Variants in PRDM5 observed in about 807,000 individuals in gnomAD.
PRDM5 encodes PR domain zinc finger protein 5.
A neutral mutation model predicts 81.2 loss-of-function variants in PRDM5; 56 were observed. The observed-to-expected ratio is 0.69, with a 90% CI of 0.56 to 0.86. The LOEUF is 0.86. PRDM5 is among the 40% of genes least tolerant of loss of function. The pLI is 0.00. For missense variants in PRDM5, 697 were observed against 770.1 expected (o/e 0.91, Z 1.12); for synonymous variants, 267 against 256.4 (o/e 1.04, Z -0.39).
At chr4:120,857,830 T>C (rs902863301) in intron 2 of PRDM5, among the ~76,000 whole-genome samples, 69 of 152,202 alleles carry the variant, frequency 4.5e-4, no homozygotes, top group Non-Finnish European at 1.2e-4. Flanking sequence ...AGCTCAATTA[T>C]TATTTGGATG....
At chr4:120,839,667 G>C (rs550919052) in intron 3 of PRDM5, among the ~76,000 whole-genome samples, 5 of 152,316 alleles carry the variant, frequency 3.3e-5, no homozygotes, top group African/African-American at 1.2e-4. Flanking sequence ...CTGGCCCCCA[G>C]CCTTCAGGCA....
chr4:120,889,233 G>T (rs781313345), intron 2 of PRDM5, among the ~76,000 whole-genome samples: 1 of 152,082 alleles, frequency 6.6e-6, no homozygotes, highest in African/African-American at 2.4e-5. Context: ...ATATTAAGTT[G>T]ATTTTTCATA....
At chr4:120,891,794 T>C (rs1341754751) in intron 2 of PRDM5, among the ~76,000 whole-genome samples, 1 of 152,148 alleles carries the variant, frequency 6.6e-6, no homozygotes, top group Non-Finnish European at 1.5e-5. Flanking sequence ...CATGCCCAGC[T>C]AATTTTTGTA....
chr4:120,729,358 A>G (rs1305113512), intron 14 of PRDM5, among the ~76,000 whole-genome samples: 1 of 152,148 alleles, frequency 6.6e-6, no homozygotes, highest in Non-Finnish European at 1.5e-5. Context: ...ATGTTTTATT[A>G]TAATACCTAG....
rs2148979229 is a variant in PRDM5, at chr4:120,691,935, T to A, written c.*3176A>T. The A allele has an allele frequency of 6.6e-6, 1 of 151,976 alleles. No homozygotes were observed. The highest frequency in any genetic ancestry group is 2.4e-5 in the African/African-American group (1 of 41,538). The allele number at this position is 151,976 out of a possible 1,614,324, so 9.4% of individuals were successfully genotyped here. A position where few individuals can be genotyped will look rare whatever the true frequency, so the allele number is the denominator to read the frequency against. ...AAGTCTGGTAGTGATTTATATATAT[T>A]TATTATAGATTTATAATAAAATAAA... On this transcript the variant is annotated 3_prime_UTR_variant, in exon 16 of 16. Transcript: ENST00000264808.
At chr4:120,744,615 C>G (rs913453105) in intron 14 of PRDM5, among the ~76,000 whole-genome samples, 14 of 152,130 alleles carry the variant, frequency 9.2e-5, no homozygotes, top group African/African-American at 3.1e-4. Flanking sequence ...ACGGATCCCA[C>G]AGAAATACAA....
chr4:120,710,890 G>A (rs1736871998), intron 14 of PRDM5, among the ~76,000 whole-genome samples: 1 of 152,044 alleles, frequency 6.6e-6, no homozygotes, highest in South Asian at 2.1e-4. Flanking sequence ...ATAGTGGTGT[G>A]AGAACAAACT....
chr4:120,716,624 T>A (rs1359113057), intron 14 of PRDM5, among the ~76,000 whole-genome samples: 1 of 152,194 alleles, frequency 6.6e-6, no homozygotes, highest in Non-Finnish European at 1.5e-5. Flanking sequence ...CCTGAAGATA[T>A]CACAAGAAGA....
At chr4:120,763,337 A>G (rs1745915984) in intron 13 of PRDM5, among the ~76,000 whole-genome samples, 2 of 152,330 alleles carry the variant, frequency 1.3e-5, no homozygotes, top group South Asian at 4.1e-4. Context: ...GAGGTGAGTT[A>G]ATGAAGCAAA....
At chr4:120,801,925 C>G (rs1009436614) in intron 8 of PRDM5, among the ~76,000 whole-genome samples, 1 of 152,072 alleles carries the variant, frequency 6.6e-6, no homozygotes, top group African/African-American at 2.4e-5. Context: ...AAAGAGATGT[C>G]ATACCTTCTG....
intron 14 of PRDM5, among the ~76,000 whole-genome samples, chr4:120,734,066 C>T (rs1403229166): frequency 6.6e-6 from 1 of 151,982 alleles, no homozygotes; most frequent in African/African-American, 2.4e-5. Flanking sequence ...GCATGGTCAT[C>T]CTTAGGAGAA....
chr4:120,775,860 C>T (rs889635364), intron 13 of PRDM5, among the ~76,000 whole-genome samples: 1 of 152,152 alleles, frequency 6.6e-6, no homozygotes, highest in Non-Finnish European at 1.5e-5. Flanking sequence ...AAGAGGGCTG[C>T]CCAGTGACAT....
intron 13 of PRDM5, among the ~76,000 whole-genome samples, chr4:120,772,081 GC>G (rs1043279636): frequency 5.9e-5 from 9 of 152,124 alleles, no homozygotes; most frequent in African/African-American, 2.2e-4. Context: ...CTGTCCCAAA[GC>G]CCCTGCTCTT....
Position 120,801,246 on chromosome 4 carries a change from G to A in PRDM5, c.946-1501C>T, listed in dbSNP as rs77124551. Among the ~76,000 whole-genome samples the A allele has an allele frequency of 6.9e-4, 105 of 152,358 alleles. 1 individual carries two copies. In the East Asian group the frequency reaches 0.019, roughly 27 times the overall value. ...ATAACTAGGAATAACAGTGCAGAGT[G>A]AAAGATCTAGGCAAAAGTCCCTGAA... On this transcript the variant is annotated intron_variant, in intron 8 of 15. Coordinates refer to ENST00000264808, the MANE Select transcript of PRDM5 (RefSeq NM_018699.4).
At chr4:120,869,071 C>T (rs568028836) in intron 2 of PRDM5, among the ~76,000 whole-genome samples, 3 of 152,158 alleles carry the variant, frequency 2.0e-5, no homozygotes, top group Non-Finnish European at 2.9e-5. Flanking sequence ...ATGTTTCCAT[C>T]GATCTCTATG....
intron 10 of PRDM5, 85 bp downstream of exon 10, chr4:120,798,182 A>G (rs1578774180): frequency 1.9e-6 from 2 of 1,053,738 alleles, no homozygotes. Flanking sequence ...TAGGCCCCAG[A>G]TGTACAAAAG....
chr4:120,794,226 A>T (rs974256941), intron 10 of PRDM5, among the ~76,000 whole-genome samples: 15 of 152,192 alleles, frequency 9.9e-5, no homozygotes, highest in Middle Eastern at 3.2e-3. Flanking sequence ...ATCACTGAAG[A>T]GTAACCTGAT....
At chr4:120,880,747 G>A (rs1370133413) in intron 2 of PRDM5, among the ~76,000 whole-genome samples, 2 of 151,984 alleles carry the variant, frequency 1.3e-5, no homozygotes, top group Non-Finnish European at 2.9e-5. Context: ...TGTAAATAGA[G>A]TACCAAAAAA....
chr4:120,850,456 C>T (rs1759130279), intron 3 of PRDM5, among the ~76,000 whole-genome samples: 1 of 152,104 alleles, frequency 6.6e-6, no homozygotes, highest in African/African-American at 2.4e-5. Context: ...CCTCAGCAAT[C>T]CTCTACTCCA....
Sources: gnomAD v4.1 joint callset for allele counts (sites outside exome capture counted in the v4.1 genomes callset) on GRCh38, gnomAD v4.1.1 for gene constraint, MANE v1.5 for transcripts, NCBI Gene and HGNC (gene_info 2026-07-23, HGNC 2026-07-21) for gene names.